Variants in HHIPL1 observed in about 807,000 individuals in gnomAD.
The protein encoded by HHIPL1 is HHIP like 1, also known as HHIP-like protein 1.
HHIPL1 carries 43 observed loss-of-function variants against 61.8 expected under a neutral mutation model. The observed-to-expected ratio is 0.70, with a 90% CI of 0.55 to 0.90. The LOEUF (loss-of-function observed/expected upper bound fraction) is 0.90. HHIPL1 is among the 40% of genes least tolerant of loss of function. HHIPL1 has a pLI of 0.00. For synonymous variants in HHIPL1, 482 were observed against 515.8 expected (o/e 0.93, Z 0.89); for missense variants, 1,056 against 1,157.7 (o/e 0.91, Z 1.28).
At chr14:99,671,017 C>T (rs181590267) in intron 7 of HHIPL1, among the ~76,000 whole-genome samples, 8 of 152,270 alleles carry the variant, frequency 5.3e-5, no homozygotes, top group South Asian at 2.1e-4. Flanking sequence ...GGGACCCCAA[C>T]GAGACTTAAG....
intron 6 of HHIPL1, among the ~76,000 whole-genome samples, chr14:99,665,683 C>A (rs1415934349): frequency 1.3e-5 from 2 of 152,230 alleles, no homozygotes; most frequent in Non-Finnish European, 2.9e-5. Context: ...GATCCCCTGC[C>A]TCGGCCTCCC....
the HHIPL1 span, among the ~76,000 whole-genome samples, chr14:99,637,248 GA>G: frequency 2.2e-4 from 33 of 146,752 alleles, no homozygotes; most frequent in African/African-American, 8.5e-4. Context: ...AAGAAAGAAA[GA>G]AAGAAAGAAA....
Position 99,652,362 on chromosome 14 carries a change from G to A in HHIPL1, c.394G>A (p.Asp132Asn), listed in dbSNP as rs1306767757. ...CRGLFRHLST[D>N]QELWALEGNL... Reference sequence around the variant, plus strand: ...GGGGCTGTTCCGTCACCTGTCAACTGACCAGGAGCTCTGGGCGCTGGAGGG... The same window carrying A: ...GGGGCTGTTCCGTCACCTGTCAACTAACCAGGAGCTCTGGGCGCTGGAGGG... Residue 132 changes from aspartate to asparagine, a missense_variant, in exon 2 of 9, where the codon GAC becomes AAC. Transcript: ENST00000330710. 6.2e-7 allele frequency: 1 copy of A among 1,614,192 alleles called. No individual in the cohort carries two copies. The highest frequency in any genetic ancestry group is 1.3e-5 in the African/African-American group (1 of 75,060).
chr14:99,605,871 A>C, the HHIPL1 span, among the ~76,000 whole-genome samples: 1 of 152,190 alleles, frequency 6.6e-6, no homozygotes, highest in African/African-American at 2.4e-5. Context: ...ACCTGTTCCA[A>C]GAAGGCCAGT....
intron 3 of HHIPL1, among the ~76,000 whole-genome samples, chr14:99,658,472 C>G (rs982596664): frequency 4.6e-5 from 7 of 152,052 alleles, no homozygotes; most frequent in African/African-American, 1.7e-4. Context: ...TGTTTGCTGT[C>G]CCTACTGATA....
At chr14:99,621,543 C>A in the HHIPL1 span, among the ~76,000 whole-genome samples, 55 of 152,200 alleles carry the variant, frequency 3.6e-4, no homozygotes, top group African/African-American at 1.3e-3. Context: ...TAGCCCCATC[C>A]TGGTGCAGGG....
chr14:99,656,841 AAGG>A (rs59784612), intron 2 of HHIPL1, among the ~76,000 whole-genome samples, 156 bp from the exon 3 acceptor site: 25 of 7,784 alleles, frequency 3.2e-3, no homozygotes, highest in African/African-American at 6.8e-3. Context: ...GAAAGAAAGG[AAGG>A]AAGGAAGGAA....
chr14:99,611,095 A>G, the HHIPL1 span, among the ~76,000 whole-genome samples: 1 of 152,142 alleles, frequency 6.6e-6, no homozygotes, highest in African/African-American at 2.4e-5. Flanking sequence ...TTGCATGCAT[A>G]TATTACCTTT....
rs74529042 is a variant in HHIPL1, at chr14:99,648,203, C to G, written c.255+2741C>G. Among the ~76,000 whole-genome samples, 458 of 152,244 alleles carry G rather than the reference C, an allele frequency of 3.0e-3. 6 individuals are homozygous for G. The highest frequency in any genetic ancestry group is 0.011 in the African/African-American group (439 of 41,546). ...AGAAATTCCTCAAGGAGTGTAGGAA[C>G]AAGGCCACATACCTCAGGGAAGGCT... On this transcript the variant is annotated intron_variant, in intron 1 of 8. Coordinates refer to ENST00000330710, the MANE Select transcript of HHIPL1 (RefSeq NM_001127258.3).
the HHIPL1 span, among the ~76,000 whole-genome samples, chr14:99,637,034 AG>A: frequency 3.1e-4 from 38 of 123,322 alleles, no homozygotes; most frequent in East Asian, 4.4e-3. Context: ...AAAGAAAGAA[AG>A]AAAGAAAGAA....
At chr14:99,641,811 A>G (rs2055755894), upstream of HHIPL1, among the ~76,000 whole-genome samples, 1 of 151,922 alleles carries the variant, frequency 6.6e-6, no homozygotes, top group Admixed American at 6.6e-5. Context: ...GTTTTTCTTC[A>G]TCTTTGGTTG....
chr14:99,611,798 C>T, the HHIPL1 span, among the ~76,000 whole-genome samples: 23 of 151,918 alleles, frequency 1.5e-4, no homozygotes, highest in Admixed American at 3.9e-4. Flanking sequence ...CGTGTCCCAA[C>T]GCACATGAGT....
the HHIPL1 span, among the ~76,000 whole-genome samples, chr14:99,605,112 C>T: frequency 6.6e-6 from 1 of 152,210 alleles, no homozygotes; most frequent in Non-Finnish European, 1.5e-5. Context: ...GCGCTCGGAG[C>T]CCCGCTCCAC....
At chr14:99,635,999 C>T in the HHIPL1 span, among the ~76,000 whole-genome samples, 1 of 152,154 alleles carries the variant, frequency 6.6e-6, no homozygotes, top group Non-Finnish European at 1.5e-5. Context: ...TCTAGCCTTC[C>T]ACTGCCACCA....
At position 99,652,674 on chromosome 14, in the gene HHIPL1, A is replaced by T. The variant is rs1183010145; in HGVS notation, c.706A>T (p.Ser236Cys). The T allele has an allele frequency of 1.2e-6, 2 of 1,613,892 alleles. No individual in the cohort carries two copies. Among genetic ancestry groups the T allele is most frequent in the Non-Finnish European group, 1.7e-6 (2 of 1,179,976 alleles). ...GCTGGGGAAGCCTTTCCTGAACATCAGCCGGGTGGTGCTCACCTCGCCCTG... is the reference window on the plus strand; with the variant it reads ...GCTGGGGAAGCCTTTCCTGAACATCTGCCGGGTGGTGCTCACCTCGCCCTG... The part of the protein sequence containing the change: ...SRLGKPFLNI[S>C]RVVLTSPWEG... The change falls in exon 2 of 9, where the codon AGC becomes TGC. Residue 236 changes from serine (S) to cysteine (C), a missense_variant. By Grantham distance (112) the Ser-to-Cys change is moderately radical. Coordinates refer to ENST00000330710, the MANE Select transcript of HHIPL1 (RefSeq NM_001127258.3).
In HHIPL1 at chr14:99,675,605, C is replaced by T; in HGVS notation, c.2328C>T (p.Ser776=). 4 of 1,524,706 alleles carry T rather than the reference C, an allele frequency of 2.6e-6. No homozygotes were observed. Among genetic ancestry groups the T allele is most frequent in the Middle Eastern group, 3.4e-4 (2 of 5,932 alleles). 94.4% of individuals were successfully genotyped at this position (1,524,706 alleles called of 1,614,324 possible). A position where few individuals can be genotyped will look rare whatever the true frequency, so the allele number is the denominator to read the frequency against. The part of the protein sequence containing the change: ...EHDEDAGVVC[S]HQNPDL Reference sequence around the variant, plus strand: ...ACGAGGATGCGGGCGTCGTGTGCAGCCACCAGAACCCCGACCTGTAGGCAA... The same window carrying T: ...ACGAGGATGCGGGCGTCGTGTGCAGTCACCAGAACCCCGACCTGTAGGCAA... Residue 776 remains serine (S), a synonymous_variant, in exon 9 of 9, where the codon AGC becomes AGT. Transcript: ENST00000330710. The surrounding 1 kb of genome is among the most constrained non-coding windows in gnomAD (Gnocchi z 5.4).
chr14:99,645,973 T>G (rs2140049144), intron 1 of HHIPL1, among the ~76,000 whole-genome samples: 1 of 152,308 alleles, frequency 6.6e-6, no homozygotes, highest in Middle Eastern at 3.4e-3. Context: ...CCCACGAGCG[T>G]CTCACCCCCA....
At chr14:99,631,914 C>T in the HHIPL1 span, among the ~76,000 whole-genome samples, 1 of 152,196 alleles carries the variant, frequency 6.6e-6, no homozygotes, top group East Asian at 1.9e-4. Flanking sequence ...GCCCATGCCC[C>T]AGACATCCTG....
chr14:99,630,424 G>A, the HHIPL1 span, among the ~76,000 whole-genome samples: 1 of 152,198 alleles, frequency 6.6e-6, no homozygotes, highest in Non-Finnish European at 1.5e-5. Flanking sequence ...CCCTTACACT[G>A]GGTGCTCTCA....
Sources: allele counts gnomAD v4.1 joint callset (sites outside exome capture counted in the v4.1 genomes callset), GRCh38; gene constraint gnomAD v4.1.1; non-coding constraint Gnocchi (gnomAD v3.1); transcripts MANE v1.5; gene names NCBI Gene and HGNC (gene_info 2026-07-23, HGNC 2026-07-21).